The following MXI1 variants were observed in gnomAD, a reference collection of about 807,000 sequenced individuals.
MXI1 encodes the protein max-interacting protein 1.
Under a neutral mutation model 36.9 loss-of-function variants are expected in MXI1, and 18 were observed. That is an observed-to-expected ratio of 0.49 (90% CI 0.34 to 0.72). The LOEUF is 0.72. Among genes scored for constraint, MXI1 ranks in the 30% least tolerant of loss-of-function variants. MXI1 has a pLI of 0.01. For synonymous variants in MXI1, 160 were observed against 146.7 expected (o/e 1.09, Z -0.65); for missense variants, 304 against 379.1 (o/e 0.80, Z 1.64).
chr10:110,260,910 T>A, intron 3 of MXI1: 1 of 766,584 alleles, frequency 1.3e-6, no homozygotes, highest in Non-Finnish European at 1.6e-6. Context: ...TGGCCACTTT[T>A]TTGTATTCTC....
chr10:110,228,034 C>T (rs909376121), intron 1 of MXI1, 155 bp from the exon 2 acceptor site: 1 of 763,514 alleles, frequency 1.3e-6, no homozygotes, highest in Non-Finnish European at 2.1e-6. Flanking sequence ...GATGTCCAGG[C>T]GAGGGACATT....
chr10:110,225,572 A>T (rs1196955722), intron 1 of MXI1, among the ~76,000 whole-genome samples: 1 of 152,166 alleles, frequency 6.6e-6, no homozygotes, highest in Non-Finnish European at 1.5e-5. Context: ...AAGTTACATG[A>T]GAAAGTAGGA....
chr10:110,284,744 C>G (rs1857382494), intron 5 of MXI1, 80 bp from the exon 6 acceptor site: 2 of 1,282,816 alleles, frequency 1.6e-6, no homozygotes. Flanking sequence ...TCTTATACCT[C>G]TTTTCCTCAT....
chr10:110,257,871 A>C (rs1450345217), intron 3 of MXI1: 1 of 296,454 alleles, frequency 3.4e-6, no homozygotes, highest in African/African-American at 2.2e-5. Flanking sequence ...ACAAACAAAC[A>C]AACAAAAAAC....
intron 3 of MXI1, among the ~76,000 whole-genome samples, chr10:110,254,489 C>T (rs1043730965): frequency 3.9e-5 from 6 of 152,064 alleles, no homozygotes; most frequent in Admixed American, 6.6e-5. Context: ...CAAAGAGTCA[C>T]ATGTATTTCA....
In MXI1 at chr10:110,278,090, G is replaced by A. The variant is rs541507309; in HGVS notation, c.438-1090G>A. 2.2e-4 allele frequency among the ~76,000 whole-genome samples: 34 copies of A among 152,326 alleles called. No individual in the cohort carries two copies. The South Asian group carries it at 6.8e-3, about 31-fold the overall frequency. ...TAAGGACTAGGGGTAAACTGTGAAC[G>A]TATTTGTGGATTTTCTTTTCAGATA... On this transcript the variant is annotated intron_variant, in intron 3 of 5. Transcript: ENST00000332674.
chr10:110,284,699 A>G, intron 5 of MXI1, 125 bp from the exon 6 acceptor site: 1 of 920,832 alleles, frequency 1.1e-6, no homozygotes, highest in Non-Finnish European at 1.6e-6. Flanking sequence ...TCTGTTCTCC[A>G]GACATCACTG....
chr10:110,280,116 A>G, intron 5 of MXI1, 31 bp downstream of exon 5: 5 of 1,540,556 alleles, frequency 3.2e-6, no homozygotes, highest in South Asian at 1.2e-5. Context: ...CTAATGAAAT[A>G]CTAAACATCT....
chr10:110,275,521 C>G (rs76184955), intron 3 of MXI1, among the ~76,000 whole-genome samples: 8,055 of 152,182 alleles, frequency 0.053, 326 homozygotes, highest in Middle Eastern at 0.15. Context: ...TGAGGAGAAT[C>G]GATTTTTCTG....
intron 1 of MXI1, among the ~76,000 whole-genome samples, chr10:110,225,791 G>C (rs879603307): frequency 6.6e-6 from 1 of 152,238 alleles, no homozygotes; most frequent in Non-Finnish European, 1.5e-5. Flanking sequence ...CCTAGAGACA[G>C]GAAAGGAAAC....
At chr10:110,266,230 C>T (rs1856674171) in intron 3 of MXI1, among the ~76,000 whole-genome samples, 1 of 152,042 alleles carries the variant, frequency 6.6e-6, no homozygotes, top group African/African-American at 2.4e-5. Context: ...GCTTCAGCCT[C>T]CTGAGTAGCT....
At chr10:110,227,575 A>T in intron 1 of MXI1, 69 of 773,912 alleles carry the variant, frequency 8.9e-5, no homozygotes, top group South Asian at 2.7e-4. Context: ...AGGAACACGG[A>T]TGCTGGGGGG....
intron 1 of MXI1, chr10:110,210,376 AT>A: frequency 4.0e-6 from 3 of 750,508 alleles, no homozygotes; most frequent in Non-Finnish European, 4.9e-6. Flanking sequence ...CGGCGGGAGT[AT>A]TTTTAGCTCT....
intron 3 of MXI1, among the ~76,000 whole-genome samples, chr10:110,270,116 G>C (rs1856809329): frequency 1.3e-5 from 2 of 152,188 alleles, no homozygotes; most frequent in Admixed American, 1.3e-4. Flanking sequence ...CCCCTGGAAA[G>C]TTGCCAAAGG....
chr10:110,255,154 C>T (rs1856240538), intron 3 of MXI1, among the ~76,000 whole-genome samples: 1 of 152,156 alleles, frequency 6.6e-6, no homozygotes, highest in Admixed American at 6.5e-5. Context: ...AGCCAGTGCT[C>T]ATTTACCATT....
At chr10:110,208,254 A>C (rs930861113) in intron 1 of MXI1, 172 bp downstream of exon 1, 1 of 621,706 alleles carries the variant, frequency 1.6e-6, no homozygotes, top group Non-Finnish European at 2.5e-6. Context: ...CAAAGCTGCT[A>C]AAGATGTAAC....
chr10:110,222,059 T>G (rs1854826075), intron 1 of MXI1, among the ~76,000 whole-genome samples: 1 of 152,216 alleles, frequency 6.6e-6, no homozygotes, highest in Non-Finnish European at 1.5e-5. Context: ...TAGGCAAGGC[T>G]GACTCACTGG....
At chr10:110,220,532 C>G (rs1854777259) in intron 1 of MXI1, among the ~76,000 whole-genome samples, 1 of 152,202 alleles carries the variant, frequency 6.6e-6, no homozygotes, top group Admixed American at 6.5e-5. Flanking sequence ...CTAACTGTGA[C>G]CTCCACAACT....
chr10:110,275,651 T>C (rs971114161), intron 3 of MXI1, among the ~76,000 whole-genome samples: 4 of 152,236 alleles, frequency 2.6e-5, no homozygotes, highest in African/African-American at 9.6e-5. Flanking sequence ...GGACTCTCCC[T>C]CTTGGTCAGC....
Sources: gnomAD v4.1 joint callset for allele counts (sites outside exome capture counted in the v4.1 genomes callset) on GRCh38, gnomAD v4.1.1 for gene constraint, MANE v1.5 for transcripts, NCBI Gene and HGNC (gene_info 2026-07-23, HGNC 2026-07-21) for gene names.